NASP: variants seen among roughly 807,000 people sequenced by gnomAD.
The protein encoded by NASP is nuclear autoantigenic sperm protein.
In NASP, 24 loss-of-function variants were observed where a neutral mutation model predicts 89.5. That is an observed-to-expected ratio of 0.27 (90% CI 0.19 to 0.38). The LOEUF is 0.38. Among genes scored for constraint, NASP ranks in the 10% least tolerant of loss-of-function variants. The probability of loss-of-function intolerance (pLI) is 1.00; values close to 1 mark genes in which losing one functional copy is unlikely to be tolerated. For missense variants in NASP, 848 were observed against 921.4 expected, an observed-to-expected ratio of 0.92 and a Z score of 1.03; for synonymous variants, 306 against 324.7, an observed-to-expected ratio of 0.94 and a Z score of 0.62.
chr1:45,590,605 T>C (rs1052354227), intron 1 of NASP, among the ~76,000 whole-genome samples: 19 of 150,124 alleles, frequency 1.3e-4, no homozygotes, highest in Non-Finnish European at 2.7e-4. Context: ...TTTACAATGA[T>C]ACTTAATAGT....
rs1382056992 is a variant in NASP at position 45,586,308 on chromosome 1, T to G, written c.59+2103T>G. Among the ~76,000 whole-genome samples the G allele has an allele frequency of 2.4e-3, 292 of 122,678 alleles. 1 individual carries two copies. The highest frequency in any genetic ancestry group is 2.2e-3 in the Non-Finnish European group (132 of 59,328). 80.5% of individuals were successfully genotyped at this position (122,678 alleles called of 152,430 possible). On this transcript the variant is annotated intron_variant, in intron 1 of 14. Transcript: ENST00000350030. The stretch of plus-strand genomic sequence containing the variant: ...TGGTGTGTGTGTGTGTGTGTGTGTG[T>G]GGTGTGTGTGTGTGTCACCCAGGCT...
At chr1:45,595,628 C>G (rs186628028) in intron 2 of NASP, among the ~76,000 whole-genome samples, 1 of 152,328 alleles carries the variant, frequency 6.6e-6, no homozygotes, top group Admixed American at 6.5e-5. Context: ...TTTTTGACCA[C>G]TGGCAGTGAT....
At chr1:45,599,118 T>TTTTGTTTG (rs546440851) in intron 2 of NASP, among the ~76,000 whole-genome samples, 8 of 151,870 alleles carry the variant, frequency 5.3e-5, no homozygotes, top group South Asian at 2.1e-4. Flanking sequence ...GAAAGAGTGT[T>TTTTGTTTG]TTTGTTTGTT....
chr1:45,612,246 C>G (rs1009546435), intron 6 of NASP: 1 of 152,098 alleles, frequency 6.6e-6, no homozygotes, highest in Non-Finnish European at 1.5e-5. Context: ...CTCCTTTGAC[C>G]TGACGATTGC....
intron 1 of NASP, among the ~76,000 whole-genome samples, chr1:45,586,578 CA>C (rs1181129679): frequency 6.6e-6 from 1 of 152,110 alleles, no homozygotes; most frequent in Non-Finnish European, 1.5e-5. Flanking sequence ...CGTGAGCCAC[CA>C]AGCCTGGCTA....
chr1:45,613,543 ATGATCAGGG>A (rs2148370350), intron 7 of NASP, among the ~76,000 whole-genome samples: 1 of 152,294 alleles, frequency 6.6e-6, no homozygotes, highest in East Asian at 1.9e-4. Flanking sequence ...GTGCACTGGC[ATGATCAGGG>A]CTCACTGTAT....
intron 6 of NASP, 82 bp downstream of exon 6, chr1:45,608,419 C>T: frequency 7.0e-7 from 1 of 1,425,316 alleles, no homozygotes; most frequent in Non-Finnish European, 9.6e-7. Flanking sequence ...GTCAGCCTTC[C>T]ATTCAGGATT....
chr1:45,596,700 T>C (rs1270843556), intron 2 of NASP, among the ~76,000 whole-genome samples: 1 of 152,220 alleles, frequency 6.6e-6, no homozygotes, highest in Non-Finnish European at 1.5e-5. Flanking sequence ...TTTAAGAAAT[T>C]ACCACTTGTT....
intron 2 of NASP, among the ~76,000 whole-genome samples, chr1:45,600,956 T>C (rs1643828131): frequency 6.6e-6 from 1 of 152,208 alleles, no homozygotes. Context: ...CATCTTTTCA[T>C]GTGCTTATTT....
At chr1:45,610,551 C>G (rs1643989547) in intron 6 of NASP, 1 of 152,188 alleles carries the variant, frequency 6.6e-6, no homozygotes, top group Non-Finnish European at 1.5e-5. Flanking sequence ...CCTCTTGACT[C>G]TTTGCCATGT....
rs1403458241 is a variant in NASP, at chr1:45,616,678, A to ATATT, written c.2134_2137dup (p.Ser713TyrfsTer20). ...GCTTCCTCATCAAATTGTGTGACTG[A>ATATT]TATTTCCCACCTTGTCAGAAAGAAG... is the stretch of plus-strand genomic sequence containing the variant. On this transcript the variant is annotated frameshift_variant, in exon 13 of 15. Transcript: ENST00000350030. LOFTEE classifies it high-confidence loss of function. 2 of 1,613,918 alleles carry ATATT rather than the reference A, an allele frequency of 1.2e-6. No individual in the cohort carries two copies. The highest frequency in any genetic ancestry group is 1.7e-6 in the Non-Finnish European group (2 of 1,179,882).
chr1:45,604,214 T>C (rs576204145), intron 3 of NASP, among the ~76,000 whole-genome samples: 1 of 152,238 alleles, frequency 6.6e-6, no homozygotes, highest in African/African-American at 2.4e-5. Flanking sequence ...GCCAGTATTT[T>C]ACTCCATGAA....
intron 7 of NASP, among the ~76,000 whole-genome samples, chr1:45,613,892 T>G (rs767266709): frequency 3.6e-4 from 37 of 103,730 alleles, no homozygotes; most frequent in Admixed American, 9.0e-4. Context: ...TCTTGTGTGT[T>G]AGTATGTGAG....
chr1:45,597,322 T>TTTTTA (rs1553170411), intron 2 of NASP, among the ~76,000 whole-genome samples: 1 of 146,904 alleles, frequency 6.8e-6, no homozygotes, highest in African/African-American at 2.5e-5. Context: ...TTTTTTTTTT[T>TTTTTA]AAGACAAATG....
chr1:45,609,351 T>G (rs1643963334), intron 6 of NASP: 1 of 152,210 alleles, frequency 6.6e-6, no homozygotes, highest in Admixed American at 6.5e-5. Flanking sequence ...CTGGTAAACT[T>G]CCTTCTACCT....
At chr1:45,586,284 G>GTGTGTGTGTGTGTGTGTGTGT in intron 1 of NASP, among the ~76,000 whole-genome samples, 1 of 100,472 alleles carries the variant, frequency 1.0e-5, no homozygotes, top group African/African-American at 4.5e-5. Flanking sequence ...GTGTGTGTGT[G>GTGTGTGTGTGTGTGTGTGTGT]GTGTGTGTGT....
chr1:45,613,335 C>T, intron 7 of NASP, 87 bp downstream of exon 7: 2 of 1,431,252 alleles, frequency 1.4e-6, no homozygotes, highest in South Asian at 2.8e-5. Context: ...GGCTGGATTG[C>T]AGTGGGGTGA....
intron 2 of NASP, among the ~76,000 whole-genome samples, 200 bp downstream of exon 2, chr1:45,591,470 C>A (rs576199318): frequency 9.6e-4 from 146 of 152,312 alleles, no homozygotes; most frequent in African/African-American, 3.2e-3. Flanking sequence ...CTTCCCACTT[C>A]AACCTCCTGA....
At chr1:45,599,338 C>G (rs1357707594) in intron 2 of NASP, among the ~76,000 whole-genome samples, 2 of 152,146 alleles carry the variant, frequency 1.3e-5, no homozygotes, top group Non-Finnish European at 2.9e-5. Context: ...AACTCCTGGG[C>G]TCAAGTGATC....
Sources: allele counts gnomAD v4.1 joint callset (sites outside exome capture counted in the v4.1 genomes callset), GRCh38; gene constraint gnomAD v4.1.1; transcripts MANE v1.5; gene names NCBI Gene and HGNC (gene_info 2026-07-23, HGNC 2026-07-21).